CHM: variants seen among roughly 807,000 people sequenced by gnomAD.
CHM encodes the protein rab proteins geranylgeranyltransferase component A 1.
CHM carries 10 observed loss-of-function variants against 49.0 expected under a neutral mutation model. The observed-to-expected ratio is 0.20, with a 90% confidence interval of 0.13 to 0.35. The LOEUF is 0.35. Among genes scored for constraint, CHM ranks in the 10% least tolerant of loss-of-function variants. The pLI, the probability that CHM is intolerant of heterozygous loss-of-function variation, is 1.00. For missense variants in CHM, 455 were observed against 478.4 expected, an observed-to-expected ratio of 0.95 and a Z score of 0.46; for synonymous variants, 184 against 167.5, an observed-to-expected ratio of 1.10 and a Z score of -0.76.
At chrX:85,879,273 A>T (rs1293852847) in intron 12 of CHM, among the ~76,000 whole-genome samples, 1 of 111,521 alleles carries the variant, frequency 9.0e-6, no homozygotes, top group African/African-American at 3.3e-5. Context: ...AAAATCTTAG[A>T]CAATCATTTA....
In CHM at chrX:85,928,991, T is replaced by C. The variant is rs770835342; in HGVS notation, c.1167-17653A>G. On this transcript the variant is annotated intron_variant, in intron 8 of 14. Transcript: ENST00000357749. Reference sequence around the variant, plus strand: ...TCAAAGCTGTTGAGTCATACAACTATATAAAAGCAATAAAGCAAATTAAAT... The same window carrying C: ...TCAAAGCTGTTGAGTCATACAACTACATAAAAGCAATAAAGCAAATTAAAT... 7.1e-5 allele frequency among the ~76,000 whole-genome samples: 8 copies of C among 112,300 alleles called. No individual in the cohort carries two copies. In the East Asian group the frequency reaches 1.1e-3, roughly 16 times the overall value.
chrX:85,966,569 T>C (rs1156836166), intron 4 of CHM, among the ~76,000 whole-genome samples: 1 of 111,366 alleles, frequency 9.0e-6, no homozygotes, highest in Non-Finnish European at 1.9e-5. Context: ...TTCACACTCT[T>C]ATTCACTTTT....
chrX:85,961,607 TA>T (rs1425637119), intron 5 of CHM, among the ~76,000 whole-genome samples: 1 of 97,270 alleles, frequency 1.0e-5, no homozygotes, highest in East Asian at 3.0e-4. Flanking sequence ...GAATATGTAT[TA>T]AATGACTTAA....
intron 14 of CHM, among the ~76,000 whole-genome samples, chrX:85,871,304 C>CAAAAAAA (rs150005971): frequency 6.4e-5 from 4 of 62,069 alleles, no homozygotes; most frequent in East Asian, 5.6e-4. Flanking sequence ...AAGACTGTCT[C>CAAAAAAA]AAAAAAAAAA....
At chrX:86,047,401 TC>T in intron 1 of CHM, 82 bp downstream of exon 1, 3 of 897,644 alleles carry the variant, frequency 3.3e-6, no homozygotes, top group Non-Finnish European at 4.8e-6. Flanking sequence ...ACGATGTTTG[TC>T]CCAAAACTCG....
chrX:86,044,792 A>G (rs1407923019), intron 1 of CHM, among the ~76,000 whole-genome samples: 1 of 110,469 alleles, frequency 9.1e-6, no homozygotes, highest in African/African-American at 3.3e-5. Context: ...CTCCCTTGAG[A>G]CTCCAGTTGG....
chrX:85,928,264 C>T (rs996625438), intron 8 of CHM, among the ~76,000 whole-genome samples: 2 of 111,802 alleles, frequency 1.8e-5, no homozygotes, highest in Admixed American at 9.5e-5. Context: ...AAAATAGGGC[C>T]GGGCGCGGTG....
chrX:86,044,529 C>A (rs968329561), intron 1 of CHM, among the ~76,000 whole-genome samples: 3 of 111,986 alleles, frequency 2.7e-5, no homozygotes, highest in African/African-American at 9.7e-5. Context: ...TAACTTCCAT[C>A]TTGACTGCTC....
At chrX:86,012,286 G>A (rs1229380504) in intron 2 of CHM, among the ~76,000 whole-genome samples, 3 of 111,638 alleles carry the variant, frequency 2.7e-5, no homozygotes, top group African/African-American at 9.8e-5. Flanking sequence ...TGAGGAAAGT[G>A]AAAATCGCCT....
At chrX:86,011,129 C>T (rs1285689536) in intron 2 of CHM, among the ~76,000 whole-genome samples, 1 of 111,611 alleles carries the variant, frequency 9.0e-6, no homozygotes, top group Non-Finnish European at 1.9e-5. Context: ...CTCTTAGGCA[C>T]TGAGGATATA....
intron 4 of CHM, among the ~76,000 whole-genome samples, chrX:85,966,607 G>A (rs1267235958): frequency 8.9e-6 from 1 of 111,777 alleles, no homozygotes. Context: ...CAAAACTAAA[G>A]TGTGTTACAT....
intron 14 of CHM, among the ~76,000 whole-genome samples, chrX:85,872,644 T>A (rs1924154373): frequency 8.9e-6 from 1 of 112,484 alleles, no homozygotes; most frequent in African/African-American, 3.2e-5. Flanking sequence ...TAAGCCTTAG[T>A]AGTTACAACC....
At chrX:86,008,050 A>C in intron 2 of CHM, among the ~76,000 whole-genome samples, 1 of 112,237 alleles carries the variant, frequency 8.9e-6, no homozygotes, top group Non-Finnish European at 1.9e-5. Flanking sequence ...AATGTGGCAC[A>C]TATACACCAT....
chrX:85,887,719 G>A (rs1341220296), intron 12 of CHM, among the ~76,000 whole-genome samples: 1 of 111,444 alleles, frequency 9.0e-6, no homozygotes, highest in East Asian at 2.8e-4. Context: ...AATCCAGGCT[G>A]AGGTGGTCTC....
chrX:85,946,961 C>A (rs1299496354), intron 8 of CHM, among the ~76,000 whole-genome samples: 1 of 112,585 alleles, frequency 8.9e-6, no homozygotes, highest in Non-Finnish European at 1.9e-5. Context: ...CTGTAGCCCC[C>A]CTTTTTTGGA....
intron 2 of CHM, among the ~76,000 whole-genome samples, chrX:85,985,344 G>T (rs997409891): frequency 3.6e-5 from 4 of 112,122 alleles, no homozygotes; most frequent in African/African-American, 1.3e-4. Context: ...CTCCTCACTG[G>T]GTGGGATGTC....
chrX:85,929,092 C>T (rs192944323), intron 8 of CHM, among the ~76,000 whole-genome samples: 163 of 111,426 alleles, frequency 1.5e-3, no homozygotes, highest in Non-Finnish European at 1.4e-3. Context: ...AAAGCTTGAA[C>T]GTAAGAAATT....
chrX:85,931,738 C>T (rs1928450238), intron 8 of CHM, among the ~76,000 whole-genome samples: 1 of 111,781 alleles, frequency 8.9e-6, no homozygotes, highest in Admixed American at 9.5e-5. Flanking sequence ...CTCATCTATG[C>T]CAAAGCCTGT....
rs773427251 is a variant in CHM at position 86,014,014 on chromosome X, T to A, written c.116+13477A>T. 3.6e-5 allele frequency among the ~76,000 whole-genome samples: 4 copies of A among 112,198 alleles called. No individual in the cohort carries two copies. The East Asian group carries it at 1.1e-3, about 32-fold the overall frequency. On this transcript the variant is annotated intron_variant, in intron 2 of 14. Transcript: ENST00000357749. ...CTTTGTAGTGTGAAACCTGCCATAG[T>A]TAATGTGTAAATATGCGTTCCAATA...
Sources: allele counts gnomAD v4.1 joint callset (sites outside exome capture counted in the v4.1 genomes callset), GRCh38; gene constraint gnomAD v4.1.1; transcripts MANE v1.5; gene names NCBI Gene and HGNC (gene_info 2026-07-23, HGNC 2026-07-21).